HSF5: variants seen among roughly 807,000 people sequenced by gnomAD.
HSF5 encodes heat shock factor protein 5.
A neutral mutation model predicts 50.8 loss-of-function variants in HSF5; 5 were observed. The ratio of observed to expected loss-of-function variants is 0.10; its 90% CI spans 0.05 to 0.21. HSF5 has a LOEUF of 0.21. HSF5 is among the 10% of genes least tolerant of loss of function. The probability of loss-of-function intolerance (pLI) is 1.00; values close to 1 mark genes in which losing one functional copy is unlikely to be tolerated. For missense variants in HSF5, 564 were observed against 762.6 expected (o/e 0.74, Z 3.07); for synonymous variants, 307 against 307.4 (o/e 1.00, Z 0.02).
At chr17:58,477,806 A>T (rs1195426744) in intron 2 of HSF5, among the ~76,000 whole-genome samples, 1 of 151,884 alleles carries the variant, frequency 6.6e-6, no homozygotes, top group Non-Finnish European at 1.5e-5. Flanking sequence ...TTAAGTAAAT[A>T]TCTTTTTTTT....
chr17:58,485,103 C>T lies in HSF5; in HGVS notation c.550+2622G>A, dbSNP rs143250095. Among the ~76,000 whole-genome samples the T allele has an allele frequency of 3.1e-3, 464 of 151,766 alleles. 2 individuals carry two copies. The highest frequency in any genetic ancestry group is 0.011 in the African/African-American group (444 of 41,408). On this transcript the variant is annotated intron_variant, in intron 1 of 5. Coordinates refer to ENST00000323777, the MANE Select transcript of HSF5 (RefSeq NM_001080439.3). ...CCGAGTAGCTGGGACTACAGGCACC[C>T]GCCACCACGCCCAGCTAATTTTTAT... is the stretch of plus-strand genomic sequence containing the variant.
chr17:58,435,331 C>T (rs1036463022), intron 5 of HSF5, among the ~76,000 whole-genome samples: 2 of 151,918 alleles, frequency 1.3e-5, no homozygotes, highest in Admixed American at 6.6e-5. Flanking sequence ...GGTAGATCAC[C>T]TGAGGTCAGG....
intron 2 of HSF5, among the ~76,000 whole-genome samples, chr17:58,467,421 A>G (rs541784222): frequency 6.6e-6 from 1 of 152,368 alleles, no homozygotes; most frequent in East Asian, 1.9e-4. Context: ...TTCCACCATT[A>G]AACAATGCAT....
At chr17:58,445,816 A>G (rs112289852) in intron 5 of HSF5, among the ~76,000 whole-genome samples, 3,255 of 152,272 alleles carry the variant, frequency 0.021, 107 homozygotes, top group African/African-American at 0.074. Flanking sequence ...CAATGTGAAT[A>G]TACTACTGAA....
chr17:58,459,591 G>A (rs1412788289), intron 4 of HSF5, among the ~76,000 whole-genome samples: 3 of 150,156 alleles, frequency 2.0e-5, no homozygotes, highest in East Asian at 2.0e-4. Context: ...AGGTTGCAGT[G>A]AGCCGAGATT....
At position 58,479,945 on chromosome 17, in the gene HSF5, T is replaced by C. The variant is rs1324800718; in HGVS notation, c.873A>G (p.Lys291=). 1 of 1,614,028 alleles carries C rather than the reference T, an allele frequency of 6.2e-7. No homozygotes were observed. Among genetic ancestry groups the C allele is most frequent in the South Asian group, 1.1e-5 (1 of 91,068 alleles). The change falls in exon 2 of 6, where the codon AAA becomes AAG. Residue 291 remains lysine, a synonymous_variant. Coordinates refer to ENST00000323777, the MANE Select transcript of HSF5 (RefSeq NM_001080439.3). ...GTGCTGAGGGTGTGTAGTTACTGTA[T>C]TTTTGGGAGGAGCTGACCATTGTTT... ...GPQTMVSSSQ[K]YSNYTPSAQY...
chr17:58,435,342 A>G (rs538154073), intron 5 of HSF5, among the ~76,000 whole-genome samples: 2 of 150,170 alleles, frequency 1.3e-5, no homozygotes, highest in Admixed American at 1.3e-4. Flanking sequence ...TGAGGTCAGG[A>G]GTTCAAGACC....
rs190969475 is a variant in HSF5, at chr17:58,442,130, G to A, written c.1720+16638C>T. Reference sequence around the variant, plus strand: ...GTTCTGTGTATACTAACATGGCTGTGCTCTGATAATTGGGTAGTCAAAGCA... The same window carrying A: ...GTTCTGTGTATACTAACATGGCTGTACTCTGATAATTGGGTAGTCAAAGCA... On this transcript the variant is annotated intron_variant, in intron 5 of 5. Transcript: ENST00000323777. 6.5e-3 allele frequency among the ~76,000 whole-genome samples: 987 copies of A among 152,324 alleles called. 4 individuals are homozygous for A. Among genetic ancestry groups the A allele is most frequent in the Non-Finnish European group, 0.011 (739 of 68,036 alleles).
chr17:58,477,117 T>C (rs1264636065), intron 2 of HSF5, among the ~76,000 whole-genome samples: 1 of 124,656 alleles, frequency 8.0e-6, no homozygotes, highest in Non-Finnish European at 1.6e-5. Flanking sequence ...ATATATATAC[T>C]TTTTTTTTTT....
chr17:58,480,196 T>C lies in HSF5; in HGVS notation c.622A>G (p.Thr208Ala). ...TAAGTACTGTGGTCGTGGGATGGAG[T>C]TGATACACAGGAGTAAGGAGACAAA... is the stretch of plus-strand genomic sequence containing the variant. ...DSLSPYSCVSTPSHDHSTYPL... is the reference protein window; with the variant it reads ...DSLSPYSCVSAPSHDHSTYPL... Residue 208 changes from threonine (T) to alanine (A), a missense_variant, in exon 2 of 6, where the codon ACT (threonine) becomes GCT (alanine). Around this residue, in one of 5 missense-constraint regions of HSF5, gnomAD observed 441 missense variants for 533.6 expected, o/e 0.83. Coordinates refer to ENST00000323777, the MANE Select transcript of HSF5 (RefSeq NM_001080439.3). 1 of 1,613,970 alleles carries C rather than the reference T, an allele frequency of 6.2e-7. No individual in the cohort carries two copies. Among genetic ancestry groups the C allele is most frequent in the Non-Finnish European group, 8.5e-7 (1 of 1,179,980 alleles).
chr17:58,442,333 T>C (rs772158763), intron 5 of HSF5, among the ~76,000 whole-genome samples: 2 of 152,262 alleles, frequency 1.3e-5, no homozygotes, highest in African/African-American at 4.8e-5. Flanking sequence ...AGGATGTATA[T>C]AACTTTTCAC....
At chr17:58,430,094 G>C (rs551702361) in intron 5 of HSF5, among the ~76,000 whole-genome samples, 4 of 151,882 alleles carry the variant, frequency 2.6e-5, no homozygotes, top group East Asian at 3.9e-4. Context: ...TTTTCAGATG[G>C]AGTCTCACTC....
At chr17:58,434,848 G>T (rs1056686809) in intron 5 of HSF5, among the ~76,000 whole-genome samples, 2 of 152,146 alleles carry the variant, frequency 1.3e-5, no homozygotes, top group African/African-American at 4.8e-5. Flanking sequence ...GGAAGACTCT[G>T]CCTTAGGGGG....
intron 2 of HSF5, among the ~76,000 whole-genome samples, chr17:58,478,451 T>C (rs1975050888): frequency 7.7e-6 from 1 of 129,302 alleles, no homozygotes; most frequent in African/African-American, 3.0e-5. Flanking sequence ...CATTCCAGCC[T>C]GGCAACAGAG....
chr17:58,435,112 C>CAG (rs980468646), intron 5 of HSF5, among the ~76,000 whole-genome samples: 1 of 152,156 alleles, frequency 6.6e-6, no homozygotes, highest in African/African-American at 2.4e-5. Context: ...AACAGGGTCA[C>CAG]AGCCACGAAT....
intron 5 of HSF5, 33 bp from the exon 6 acceptor site, chr17:58,422,463 C>A: frequency 1.3e-6 from 2 of 1,582,990 alleles, no homozygotes; most frequent in Non-Finnish European, 1.7e-6. Context: ...TCCCTCTTAG[C>A]CTCTCTGTAG....
intron 5 of HSF5, among the ~76,000 whole-genome samples, chr17:58,427,849 C>T (rs749766825): frequency 1.2e-4 from 19 of 152,184 alleles, no homozygotes; most frequent in Admixed American, 2.6e-4. Flanking sequence ...ACAAGAACAT[C>T]TAATACAAGG....
intron 5 of HSF5, among the ~76,000 whole-genome samples, chr17:58,456,126 T>C (rs578168247): frequency 6.9e-6 from 1 of 145,684 alleles, no homozygotes; most frequent in East Asian, 2.0e-4. Flanking sequence ...TATATATATA[T>C]ATATGTGTGT....
chr17:58,458,071 G>A (rs1308952321), intron 5 of HSF5, among the ~76,000 whole-genome samples: 1 of 152,126 alleles, frequency 6.6e-6, no homozygotes, highest in African/African-American at 2.4e-5. Flanking sequence ...CATTCTGCCT[G>A]CACTGCATGC....
Sources: allele counts gnomAD v4.1 joint callset (sites outside exome capture counted in the v4.1 genomes callset), GRCh38; gene constraint gnomAD v4.1.1; regional missense constraint gnomAD v4.1.1; transcripts MANE v1.5; gene names NCBI Gene and HGNC (gene_info 2026-07-23, HGNC 2026-07-21).